Variants in C20orf96 observed in about 807,000 individuals in gnomAD.
C20orf96 encodes the protein chromosome 20 open reading frame 96.
In C20orf96, 57 loss-of-function variants were observed where a neutral mutation model predicts 52.6. The ratio of observed to expected loss-of-function variants is 1.08; its 90% CI spans 0.88 to 1.35. The LOEUF is 1.35. C20orf96 is among the 40% of genes most tolerant of loss of function. The pLI is 0.00. For missense variants in C20orf96, 478 were observed against 443.6 expected (o/e 1.08, Z -0.70); for synonymous variants, 168 against 157.2 (o/e 1.07, Z -0.51).
At position 284,010 on chromosome 20, in the gene C20orf96, G is replaced by T; in HGVS notation, c.259C>A (p.Arg87=). Residue 87 remains arginine (R), a synonymous_variant, in exon 4 of 11, where the codon CGG becomes AGG. Coordinates refer to ENST00000360321, the MANE Select transcript of C20orf96 (RefSeq NM_153269.3). ...PKNPRELHRR[R]KLDPGKMHAK... ...TGCATCTTCCCAGGGTCCAACTTCC[G>T]CCTTCTATGTAGTTCTCTTGGATTC... is the stretch of plus-strand genomic sequence containing the variant. The T allele has an allele frequency of 6.2e-7, 1 of 1,614,096 alleles. No individual in the cohort carries two copies. The highest frequency in any genetic ancestry group is 8.5e-7 in the Non-Finnish European group (1 of 1,180,006).
chr20:279,440 G>A (rs2012190739), intron 4 of C20orf96, 110 bp from the exon 5 acceptor site: 1 of 1,241,334 alleles, frequency 8.1e-7, no homozygotes, highest in African/African-American at 1.6e-5. Context: ...GCCCCCGTGC[G>A]GCCTCCTGCT....
chr20:271,407 C>G (rs1016925254), intron 10 of C20orf96, 140 bp from the exon 11 acceptor site: 8 of 617,698 alleles, frequency 1.3e-5, no homozygotes, highest in Non-Finnish European at 2.0e-5. Flanking sequence ...TGTGATCTAT[C>G]TGTGACCTCA....
intron 2 of C20orf96, 71 bp downstream of exon 2, chr20:290,188 T>A: frequency 8.2e-7 from 1 of 1,218,404 alleles, no homozygotes. Flanking sequence ...GTCACGACCG[T>A]GAGAGTGGAG....
intron 4 of C20orf96, among the ~76,000 whole-genome samples, chr20:281,449 T>G (rs879440934): frequency 6.6e-6 from 1 of 152,224 alleles, no homozygotes; most frequent in Non-Finnish European, 1.5e-5. Context: ...CCTCTACCCC[T>G]GCCATAAATA....
chr20:275,904 C>CA, intron 10 of C20orf96, 64 bp downstream of exon 10: 1 of 1,491,502 alleles, frequency 6.7e-7, no homozygotes, highest in Non-Finnish European at 9.4e-7. Context: ...TCCCCAAGAA[C>CA]AGAGAGCCTC....
At position 289,576 on chromosome 20, in the gene C20orf96, A is replaced by T. The variant is rs375746621; in HGVS notation, c.170T>A (p.Leu57Ter). ...CCGCCCACCTGGTTGGACCCTAGTC[A>T]AAGTCTTCATTTTGCTTGTATGAAG... is the stretch of plus-strand genomic sequence containing the variant. ...NSLHTSKMKT[L>*]TRVQPVFHFK... is the part of the protein sequence containing the mutation. Residue 57 changes from leucine to a stop codon, truncating the protein, a stop_gained, in exon 3 of 11, where the codon TTG becomes TAG. Transcript: ENST00000360321. LOFTEE classifies it high-confidence loss of function. 9 of 1,613,836 alleles carry T rather than the reference A, an allele frequency of 5.6e-6. No homozygotes were observed. In the African/African-American group the frequency reaches 9.3e-5, roughly 17 times the overall value.
At chr20:282,055 C>T (rs1357604137) in intron 4 of C20orf96, among the ~76,000 whole-genome samples, 2 of 152,196 alleles carry the variant, frequency 1.3e-5, no homozygotes, top group Non-Finnish European at 2.9e-5. Context: ...GTCTTGCCTC[C>T]TAGCCACTCC....
intron 3 of C20orf96, among the ~76,000 whole-genome samples, chr20:288,574 C>T (rs1451646920): frequency 2.6e-5 from 4 of 152,190 alleles, no homozygotes; most frequent in African/African-American, 7.2e-5. Context: ...CCCCAGCCTA[C>T]CTATGTCAGT....
Position 278,396 on chromosome 20 carries a change from T to C in C20orf96, c.499A>G (p.Lys167Glu), listed in dbSNP as rs1423692892. 3 of 1,613,874 alleles carry C rather than the reference T, an allele frequency of 1.9e-6. No homozygotes were observed. Among genetic ancestry groups the C allele is most frequent in the Non-Finnish European group, 2.5e-6 (3 of 1,179,960 alleles). Residue 167 changes from lysine (K) to glutamate (E), a missense_variant, in exon 6 of 11, where the codon AAG becomes GAG. Transcript: ENST00000360321. ...IIDILEYSNK[K>E]RLQQLKSELQ... is the part of the protein sequence containing the mutation. ...TCAGATTTCAATTGCTGCAGCCTCT[T>C]CTTGTTTGAGTACTCCAAGATGTCG...
intron 10 of C20orf96, among the ~76,000 whole-genome samples, chr20:273,151 T>C (rs1370951442): frequency 6.6e-6 from 1 of 152,180 alleles, no homozygotes; most frequent in African/African-American, 2.4e-5. Flanking sequence ...ACTTTTGTAT[T>C]TTTTGTAGAG....
chr20:289,550 T>C lies in C20orf96; in HGVS notation c.187+9A>G. On this transcript the variant is annotated intron_variant, in intron 3 of 10. Coordinates refer to ENST00000360321, the MANE Select transcript of C20orf96 (RefSeq NM_153269.3). Reference sequence around the variant, plus strand: ...ACCCCCACACCAGCTCCCAGGTGCCTCCGCCCACCTGGTTGGACCCTAGTC... The same window carrying C: ...ACCCCCACACCAGCTCCCAGGTGCCCCCGCCCACCTGGTTGGACCCTAGTC... The C allele has an allele frequency of 6.3e-7, 1 of 1,597,266 alleles. No individual in the cohort carries two copies. The highest frequency in any genetic ancestry group is 8.6e-7 in the Non-Finnish European group (1 of 1,164,724).
chr20:290,247 C>T lies in C20orf96; in HGVS notation c.69+12G>A, dbSNP rs943540193. 2.5e-6 allele frequency: 4 copies of T among 1,609,010 alleles called. No homozygotes were observed. The highest frequency in any genetic ancestry group is 2.2e-5 in the South Asian group (2 of 90,302). ...GAGCCTCCCACCCCAGCCCTAGTCC[C>T]CCAAGACTCACCGGAACCTGGAACT... On this transcript the variant is annotated intron_variant, in intron 2 of 10. Coordinates refer to ENST00000360321, the MANE Select transcript of C20orf96 (RefSeq NM_153269.3).
At chr20:276,538 G>C in intron 9 of C20orf96, 1 of 985,396 alleles carries the variant, frequency 1.0e-6, no homozygotes, top group South Asian at 4.7e-5. Flanking sequence ...CTGAATAGGT[G>C]ATGTTTGGTG....
intron 3 of C20orf96, among the ~76,000 whole-genome samples, chr20:289,076 C>T (rs978061895): frequency 2.0e-5 from 3 of 152,160 alleles, no homozygotes; most frequent in Non-Finnish European, 4.4e-5. Flanking sequence ...GTTTTCTTTT[C>T]CTCCTGGAAA....
At chr20:284,226 G>T in intron 3 of C20orf96, 145 bp from the exon 4 acceptor site, 1 of 630,700 alleles carries the variant, frequency 1.6e-6, no homozygotes, top group Non-Finnish European at 2.8e-6. Flanking sequence ...CTAGACCGAG[G>T]GTGAAATTCA....
At chr20:275,019 A>G (rs1226641514) in intron 10 of C20orf96, among the ~76,000 whole-genome samples, 1 of 152,044 alleles carries the variant, frequency 6.6e-6, no homozygotes. Flanking sequence ...GGGTTTCATC[A>G]TCTTGGCCAG....
intron 6 of C20orf96, 94 bp downstream of exon 6, chr20:278,236 G>T: frequency 1.1e-6 from 1 of 907,130 alleles, no homozygotes; most frequent in Non-Finnish European, 1.9e-6. Flanking sequence ...TGGGGCTGAG[G>T]GTTTCTGAAT....
At chr20:276,167 A>G (rs2012016322) in intron 9 of C20orf96, 81 bp from the exon 10 acceptor site, 1 of 1,601,976 alleles carries the variant, frequency 6.2e-7, no homozygotes, top group Non-Finnish European at 8.5e-7. Flanking sequence ...ATGAACGAGG[A>G]GCAAAGCTAT....
Position 276,651 on chromosome 20 carries a change from A to G in C20orf96, c.912+142T>C. ...ATGAAAGACAAGTGACAGTAATGGC[A>G]CCGGCAAGGAGGGAGGCCAACACCA... On this transcript the variant is annotated intron_variant, in intron 9 of 10. Coordinates refer to ENST00000360321, the MANE Select transcript of C20orf96 (RefSeq NM_153269.3). 1.4e-6 allele frequency: 2 copies of G among 1,470,374 alleles called. 1 individual carries two copies. The highest frequency in any genetic ancestry group is 5.0e-5 in the East Asian group (2 of 40,156). 91.1% of individuals were successfully genotyped at this position (1,470,374 alleles called of 1,614,324 possible).
Sources: allele counts gnomAD v4.1 joint callset (sites outside exome capture counted in the v4.1 genomes callset), GRCh38; gene constraint gnomAD v4.1.1; transcripts MANE v1.5; gene names NCBI Gene and HGNC (gene_info 2026-07-23, HGNC 2026-07-21).